Variants in RYR2 observed in about 807,000 individuals in gnomAD.
The protein encoded by RYR2 is cardiac muscle ryanodine receptor-calcium release channel.
A neutral mutation model predicts 601.1 loss-of-function variants in RYR2; 227 were observed. The observed-to-expected ratio is 0.38, with a 90% CI of 0.34 to 0.42. The LOEUF (loss-of-function observed/expected upper bound fraction) is 0.42, where lower values mean the gene tolerates loss of function less well. RYR2 is among the 10% of genes least tolerant of loss of function. The probability of loss-of-function intolerance (pLI) is 1.00; values close to 1 mark genes in which losing one functional copy is unlikely to be tolerated. For missense variants in RYR2, 4,646 were observed against 6,156.5 expected (o/e 0.75, Z 8.21); for synonymous variants, 2,223 against 2,175.1 (o/e 1.02, Z -0.61).
intron 2 of RYR2, among the ~76,000 whole-genome samples, chr1:237,302,451 G>A (rs1285564542): frequency 6.6e-6 from 1 of 152,180 alleles, no homozygotes; most frequent in Non-Finnish European, 1.5e-5. Flanking sequence ...GATTGTGAGA[G>A]AGTCATTACA....
At chr1:237,407,520 A>T (rs1260346682) in intron 10 of RYR2, among the ~76,000 whole-genome samples, 1 of 152,128 alleles carries the variant, frequency 6.6e-6, no homozygotes, top group Non-Finnish European at 1.5e-5. Flanking sequence ...TTGACATATG[A>T]CATTGAGCAT....
chr1:237,273,501 G>A (rs1002399647), intron 2 of RYR2, among the ~76,000 whole-genome samples: 8 of 152,072 alleles, frequency 5.3e-5, no homozygotes, highest in African/African-American at 1.9e-4. Flanking sequence ...GAATGGTGGT[G>A]AGCATTCAAG....
intron 24 of RYR2, among the ~76,000 whole-genome samples, chr1:237,520,234 A>T (rs565848823): frequency 6.6e-6 from 1 of 152,304 alleles, no homozygotes; most frequent in African/African-American, 2.4e-5. Flanking sequence ...TTGACATAAG[A>T]TCAAATTGTC....
chr1:237,705,452 T>C, intron 67 of RYR2, 109 bp downstream of exon 67: 1 of 856,928 alleles, frequency 1.2e-6, no homozygotes, highest in East Asian at 2.7e-5. Context: ...CTATATCCAA[T>C]CTTGTTTGTT....
intron 2 of RYR2, 28 bp from the exon 3 acceptor site, chr1:237,330,850 G>A: frequency 3.2e-6 from 5 of 1,564,334 alleles, no homozygotes; most frequent in Non-Finnish European, 4.4e-6. Context: ...AGATGATGCT[G>A]CTGACTGCTC....
intron 1 of RYR2, among the ~76,000 whole-genome samples, chr1:237,213,908 T>C (rs1426712167): frequency 2.1e-5 from 3 of 146,100 alleles, no homozygotes; most frequent in Non-Finnish European, 4.5e-5. Flanking sequence ...TCTTTTTTTT[T>C]CTTTTTCTTT....
At chr1:237,178,777 C>A (rs1488333735) in intron 1 of RYR2, among the ~76,000 whole-genome samples, 1 of 152,006 alleles carries the variant, frequency 6.6e-6, no homozygotes, top group Non-Finnish European at 1.5e-5. Flanking sequence ...TGTACTCTAG[C>A]CTGGGTGACA....
At chr1:237,502,097 G>T (rs886816425) in intron 21 of RYR2, among the ~76,000 whole-genome samples, 1 of 152,186 alleles carries the variant, frequency 6.6e-6, no homozygotes, top group African/African-American at 2.4e-5. Flanking sequence ...GCTGGAGGCT[G>T]TAGTAACCTG....
chr1:237,504,390 T>C lies in RYR2; in HGVS notation c.2613+885T>C, dbSNP rs146691872. Among the ~76,000 whole-genome samples the C allele has an allele frequency of 9.4e-3, 1,429 of 152,082 alleles. 24 individuals carry two copies. The highest frequency in any genetic ancestry group is 0.031 in the African/African-American group (1,275 of 41,380). On this transcript the variant is annotated intron_variant, in intron 22 of 104. Transcript: ENST00000366574. Reference sequence around the variant, plus strand: ...GTACATTCTCAAGGGTGGGGAGAATTACAAAGAACCTTCTTAAGGGTGGGG... The same window carrying C: ...GTACATTCTCAAGGGTGGGGAGAATCACAAAGAACCTTCTTAAGGGTGGGG...
chr1:237,703,961 C>T (rs1488477379), intron 66 of RYR2, among the ~76,000 whole-genome samples: 3 of 152,042 alleles, frequency 2.0e-5, no homozygotes, highest in African/African-American at 7.2e-5. Flanking sequence ...GGAAACCAAA[C>T]CAAAACAAAC....
chr1:237,801,367 C>CAAAAAA (rs71162423), intron 97 of RYR2, among the ~76,000 whole-genome samples: 43 of 95,464 alleles, frequency 4.5e-4, no homozygotes, highest in East Asian at 4.1e-3. Context: ...CCCATCTCTA[C>CAAAAAA]AAAAAAAAAA....
chr1:237,604,145 A>C (rs953513030), intron 35 of RYR2, among the ~76,000 whole-genome samples: 1 of 152,156 alleles, frequency 6.6e-6, no homozygotes, highest in African/African-American at 2.4e-5. Flanking sequence ...CATCGCACTT[A>C]CTCCAAAATT....
chr1:237,709,191 G>A, intron 69 of RYR2, 93 bp downstream of exon 69: 2 of 1,198,392 alleles, frequency 1.7e-6, no homozygotes, highest in Non-Finnish European at 1.2e-6. Flanking sequence ...TCACTATTTT[G>A]CCATGAGCTT....
chr1:237,732,743 T>A (rs1334408553), intron 78 of RYR2, among the ~76,000 whole-genome samples: 1 of 152,232 alleles, frequency 6.6e-6, no homozygotes, highest in Non-Finnish European at 1.5e-5. Flanking sequence ...CAAAATGTGC[T>A]CAGCATCTGT....
chr1:237,359,237 A>C (rs1377692057), intron 4 of RYR2, among the ~76,000 whole-genome samples: 1 of 152,186 alleles, frequency 6.6e-6, no homozygotes, highest in Non-Finnish European at 1.5e-5. Flanking sequence ...TTTTATACTA[A>C]AGTGTTGAAT....
intron 16 of RYR2, 93 bp from the exon 17 acceptor site, chr1:237,468,999 T>C: frequency 2.1e-6 from 2 of 972,042 alleles, no homozygotes; most frequent in South Asian, 2.8e-5. Flanking sequence ...GATATTTTGT[T>C]CTTGATCCAA....
chr1:237,117,911 A>T (rs1173413807), intron 1 of RYR2, among the ~76,000 whole-genome samples: 2 of 151,952 alleles, frequency 1.3e-5, no homozygotes, highest in African/African-American at 4.8e-5. Context: ...CGCCTCACTA[A>T]TTTTTTGTAT....
intron 38 of RYR2, among the ~76,000 whole-genome samples, chr1:237,618,653 A>ATG (rs1435801187): frequency 2.6e-5 from 4 of 152,230 alleles, no homozygotes; most frequent in Admixed American, 1.3e-4. Context: ...CAAGACAGAA[A>ATG]TGTGTTAGAT....
intron 80 of RYR2, among the ~76,000 whole-genome samples, chr1:237,745,846 G>A (rs1692025741): frequency 6.6e-6 from 1 of 151,870 alleles, no homozygotes; most frequent in Non-Finnish European, 1.5e-5. Context: ...AAAGTGCTGG[G>A]AATTGCCACA....
Sources: allele counts gnomAD v4.1 joint callset (sites outside exome capture counted in the v4.1 genomes callset), GRCh38; gene constraint gnomAD v4.1.1; transcripts MANE v1.5; gene names NCBI Gene and HGNC (gene_info 2026-07-23, HGNC 2026-07-21).